Variants in KDM1A observed in about 807,000 individuals in gnomAD.
The protein encoded by KDM1A is lysine demethylase 1A.
KDM1A carries 49 observed loss-of-function variants against 109.4 expected under a neutral mutation model. That is an observed-to-expected ratio of 0.45 (90% CI 0.36 to 0.57). KDM1A has a LOEUF of 0.57. Ranked by LOEUF, KDM1A falls within the 20% of genes least tolerant of loss-of-function variation. The pLI, the probability that KDM1A is intolerant of heterozygous loss-of-function variation, is 0.00. For missense variants in KDM1A, 668 were observed against 1,116.6 expected, an observed-to-expected ratio of 0.60 and a Z score of 5.73; for synonymous variants, 380 against 415.4, an observed-to-expected ratio of 0.91 and a Z score of 1.04.
chr1:23,053,772 G>A lies in KDM1A; in HGVS notation c.723G>A (p.Trp241Ter). 6.2e-7 allele frequency: 1 copy of A among 1,606,106 alleles called. No individual in the cohort carries two copies. The highest frequency in any genetic ancestry group is 8.5e-7 in the Non-Finnish European group (1 of 1,172,946). Residue 241 changes from tryptophan to a stop codon, truncating the protein, a stop_gained, in exon 5 of 21, where the codon TGG becomes TGA. Coordinates refer to ENST00000400181, the MANE Select transcript of KDM1A (RefSeq NM_001009999.3). LOFTEE classifies it high-confidence loss of function. Reference protein sequence around the residue: ...LFIRNRTLQLWLDNPKIQLTF... With the variant: ...LFIRNRTLQL ...TCATTTAAATGCAGCTGCAGTTGTG[G>A]TTGGATAATCCAAAGATTCAGCTGA...
chr1:23,081,752 A>T (rs1257953209), intron 19 of KDM1A, 179 bp downstream of exon 19: 5 of 681,764 alleles, frequency 7.3e-6, no homozygotes, highest in Non-Finnish European at 9.4e-6. Context: ...ACCCCCCAGG[A>T]CAAGAGCTGG....
chr1:23,076,964 CAA>C (rs11406578), intron 15 of KDM1A, among the ~76,000 whole-genome samples: 5 of 143,138 alleles, frequency 3.5e-5, no homozygotes, highest in Admixed American at 7.0e-5. Flanking sequence ...GACTCTGTAT[CAA>C]AAAAAAAAAA....
intron 10 of KDM1A, among the ~76,000 whole-genome samples, chr1:23,067,318 G>A (rs1046332720): frequency 1.3e-5 from 2 of 152,084 alleles, no homozygotes; most frequent in Non-Finnish European, 1.5e-5. Flanking sequence ...CTTTCTTTTT[G>A]GGGGCAGATT....
At chr1:23,050,922 T>A (rs1464048009) in intron 4 of KDM1A, among the ~76,000 whole-genome samples, 1 of 152,024 alleles carries the variant, frequency 6.6e-6, no homozygotes, top group Non-Finnish European at 1.5e-5. Context: ...CTTTCTCTAC[T>A]AAAAATACAA....
chr1:23,083,348 A>C lies in KDM1A; in HGVS notation c.2615A>C (p.Gln872Pro). The C allele has an allele frequency of 1.2e-6, 2 of 1,613,230 alleles. No homozygotes were observed. Among genetic ancestry groups the C allele is most frequent in the Non-Finnish European group, 1.7e-6 (2 of 1,179,654 alleles). The stretch of plus-strand genomic sequence containing the variant: ...GCCACACCAGGTGTTCCTGCACAGC[A>C]GTCCCCAAGCATGTGAGACAGATGC... ...RQATPGVPAQQSPSM is the reference protein window; with the variant it reads ...RQATPGVPAQPSPSM The change falls in exon 21 of 21, where the codon CAG (glutamine) becomes CCG (proline). Residue 872 changes from glutamine to proline, a missense_variant. By Grantham distance (76) the Gln-to-Pro change is moderately conservative. Coordinates refer to ENST00000400181, the MANE Select transcript of KDM1A (RefSeq NM_001009999.3).
intron 2 of KDM1A, among the ~76,000 whole-genome samples, chr1:23,042,440 A>ATTATTTTTTT (rs1553127465): frequency 1.9e-4 from 4 of 21,562 alleles, no homozygotes; most frequent in Non-Finnish European, 1.8e-4. Context: ...GAAATATATT[A>ATTATTTTTTT]TTTTTTTTTT....
At chr1:23,070,435 C>T (rs1242383042) in intron 12 of KDM1A, among the ~76,000 whole-genome samples, 3 of 151,616 alleles carry the variant, frequency 2.0e-5, no homozygotes, top group African/African-American at 7.3e-5. Flanking sequence ...TGTGCCATTG[C>T]ACTCTAGCCT....
chr1:23,060,980 A>G (rs1288288296), intron 9 of KDM1A, among the ~76,000 whole-genome samples: 4 of 152,222 alleles, frequency 2.6e-5, no homozygotes, highest in Non-Finnish European at 4.4e-5. Flanking sequence ...TTGAGACGCC[A>G]TCTTTTTCTT....
intron 1 of KDM1A, among the ~76,000 whole-genome samples, chr1:23,021,937 C>T (rs1196679515): frequency 6.6e-6 from 1 of 152,124 alleles, no homozygotes; most frequent in African/African-American, 2.4e-5. Flanking sequence ...CTTATGTAGC[C>T]TTTTGTATTT....
At chr1:23,069,881 G>C (rs942182085) in intron 12 of KDM1A, among the ~76,000 whole-genome samples, 21 of 152,346 alleles carry the variant, frequency 1.4e-4, no homozygotes, top group African/African-American at 5.1e-4. Flanking sequence ...TGCAAAGGTC[G>C]CATCAGCTTA....
At chr1:23,022,557 TC>T (rs532707372) in intron 1 of KDM1A, among the ~76,000 whole-genome samples, 1 of 151,912 alleles carries the variant, frequency 6.6e-6, no homozygotes, top group South Asian at 2.1e-4. Context: ...TCAGGCTGTT[TC>T]AAACTCCTGA....
chr1:23,028,551 C>T (rs1051523939), intron 1 of KDM1A, among the ~76,000 whole-genome samples: 2 of 152,112 alleles, frequency 1.3e-5, no homozygotes, highest in Non-Finnish European at 2.9e-5. Context: ...GTACTTAAGT[C>T]ATTATTGAAT....
Position 23,077,225 on chromosome 1 carries a change from T to G in KDM1A, c.1735-3T>G. The G allele has an allele frequency of 6.2e-7, 1 of 1,613,420 alleles. No individual in the cohort carries two copies. The highest frequency in any genetic ancestry group is 8.5e-7 in the Non-Finnish European group (1 of 1,179,544). ...GAAATATGTTCTTTTCTCTCCTCTT[T>G]AGGATGATGACTTTGAGTTCACTGG... On this transcript the variant is annotated splice_polypyrimidine_tract_variant and splice_region_variant and intron_variant, in intron 15 of 20. Transcript: ENST00000400181.
intron 4 of KDM1A, among the ~76,000 whole-genome samples, chr1:23,053,502 T>C (rs553048831): frequency 1.3e-5 from 2 of 152,184 alleles, no homozygotes; most frequent in African/African-American, 4.8e-5. Context: ...CCTTCTGCCT[T>C]AGCCTCCTAA....
intron 6 of KDM1A, 102 bp downstream of exon 6, chr1:23,055,263 T>G (rs1642797882): frequency 8.0e-6 from 4 of 502,488 alleles, no homozygotes; most frequent in African/African-American, 6.0e-5. Flanking sequence ...TTTTGATTCA[T>G]AAGACTATAT....
rs1015427906 is a variant in KDM1A at position 23,039,076 on chromosome 1, C to T, written c.518-5351C>T. 3.9e-5 allele frequency among the ~76,000 whole-genome samples: 6 copies of T among 152,176 alleles called. No homozygotes were observed. In the East Asian group the frequency reaches 1.2e-3, roughly 29 times the overall value. On this transcript the variant is annotated intron_variant, in intron 2 of 20. Transcript: ENST00000400181. ...TGCATTTATGACTGCTTCAAATTAT[C>T]TGAGCCTATTATTACTTCCATGCTA... is the stretch of plus-strand genomic sequence containing the variant.
intron 9 of KDM1A, among the ~76,000 whole-genome samples, chr1:23,060,635 G>A (rs1569762214): frequency 2.0e-5 from 3 of 152,178 alleles, no homozygotes; most frequent in Non-Finnish European, 4.4e-5. Flanking sequence ...ATGTGTTTAT[G>A]GAAGGGAAAA....
chr1:23,033,781 G>A (rs1642061447), intron 2 of KDM1A, among the ~76,000 whole-genome samples: 1 of 152,168 alleles, frequency 6.6e-6, no homozygotes, highest in Non-Finnish European at 1.5e-5. Context: ...AGCCTTGGTT[G>A]ACTAAGCCAG....
chr1:23,021,520 C>T (rs1158137376), intron 1 of KDM1A, among the ~76,000 whole-genome samples: 2 of 152,004 alleles, frequency 1.3e-5, no homozygotes, highest in Non-Finnish European at 2.9e-5. Flanking sequence ...AAAAATTAGC[C>T]GGGCGTGGTG....
Sources: allele counts gnomAD v4.1 joint callset (sites outside exome capture counted in the v4.1 genomes callset), GRCh38; gene constraint gnomAD v4.1.1; transcripts MANE v1.5; gene names NCBI Gene and HGNC (gene_info 2026-07-23, HGNC 2026-07-21).